Variants in SEMA3D observed in about 807,000 individuals in gnomAD.
SEMA3D encodes the protein semaphorin 3D.
A neutral mutation model predicts 100.1 loss-of-function variants in SEMA3D; 84 were observed. The observed-to-expected ratio is 0.84, with a 90% confidence interval of 0.70 to 1.01. The LOEUF (loss-of-function observed/expected upper bound fraction) is 1.01, where lower values mean the gene tolerates loss of function less well. SEMA3D is among the 50% of genes least tolerant of loss of function. The pLI, the probability that SEMA3D is intolerant of heterozygous loss-of-function variation, is 0.00. For synonymous variants in SEMA3D, 312 were observed against 320.7 expected (o/e 0.97, Z 0.29); for missense variants, 875 against 934.1 (o/e 0.94, Z 0.82).
At chr7:85,082,152 C>A (rs913156606) in intron 4 of SEMA3D, among the ~76,000 whole-genome samples, 3 of 152,152 alleles carry the variant, frequency 2.0e-5, no homozygotes, top group Admixed American at 2.0e-4. Flanking sequence ...ACTTATTCTT[C>A]CCATTTTGAG....
At chr7:85,165,235 T>A (rs1338416058) in intron 1 of SEMA3D, among the ~76,000 whole-genome samples, 2 of 150,360 alleles carry the variant, frequency 1.3e-5, no homozygotes, top group Non-Finnish European at 3.0e-5. Flanking sequence ...AAAACTTTTT[T>A]ATGTAAATTA....
chr7:85,083,139 T>C (rs2116241300), intron 4 of SEMA3D, among the ~76,000 whole-genome samples: 1 of 152,258 alleles, frequency 6.6e-6, no homozygotes. Context: ...TAAAAGCAAC[T>C]AAAATAAAAT....
the SEMA3D span, among the ~76,000 whole-genome samples, chr7:85,231,774 A>G: frequency 6.6e-6 from 1 of 152,122 alleles, no homozygotes; most frequent in Non-Finnish European, 1.5e-5. Context: ...CAGTAAGAAC[A>G]TGTGTTAAGA....
chr7:85,083,004 G>C (rs1788108424), intron 4 of SEMA3D, among the ~76,000 whole-genome samples: 1 of 152,174 alleles, frequency 6.6e-6, no homozygotes, highest in Non-Finnish European at 1.5e-5. Context: ...ATAGTAGCCA[G>C]CAGTCAAATA....
intron 12 of SEMA3D, among the ~76,000 whole-genome samples, chr7:85,036,377 T>C (rs1200658963): frequency 1.3e-5 from 2 of 152,276 alleles, no homozygotes; most frequent in African/African-American, 2.4e-5. Context: ...CTGAGGGTTT[T>C]CTAAAATTCC....
chr7:85,046,464 C>T (rs995668887), intron 9 of SEMA3D, among the ~76,000 whole-genome samples: 2 of 151,734 alleles, frequency 1.3e-5, no homozygotes, highest in Non-Finnish European at 2.9e-5. Flanking sequence ...TCTCTAGCCC[C>T]TCAGGAATAA....
intron 9 of SEMA3D, among the ~76,000 whole-genome samples, chr7:85,053,094 A>G (rs965714023): frequency 3.9e-5 from 6 of 152,054 alleles, no homozygotes; most frequent in African/African-American, 1.4e-4. Context: ...TAACTTATTC[A>G]GTGAAAAATG....
chr7:85,220,524 A>C, the SEMA3D span, among the ~76,000 whole-genome samples: 1 of 151,992 alleles, frequency 6.6e-6, no homozygotes, highest in Non-Finnish European at 1.5e-5. Flanking sequence ...TGATTAAAAA[A>C]AGTCTGAGAT....
chr7:85,194,314 A>G, the SEMA3D span, among the ~76,000 whole-genome samples: 1 of 152,170 alleles, frequency 6.6e-6, no homozygotes, highest in African/African-American at 2.4e-5. Context: ...ATTTCTCACC[A>G]TTAAGTATGA....
chr7:85,081,021 TTAAC>T (rs1411782141), intron 5 of SEMA3D, among the ~76,000 whole-genome samples: 1 of 152,214 alleles, frequency 6.6e-6, no homozygotes, highest in African/African-American at 2.4e-5. Flanking sequence ...TCATTCATTA[TTAAC>T]TAATTCTTAT....
intron 1 of SEMA3D, among the ~76,000 whole-genome samples, chr7:85,165,191 TGTACCCTA>T (rs1790868818): frequency 6.8e-6 from 1 of 147,952 alleles, no homozygotes. Context: ...GTTGTGCACA[TGTACCCTA>T]AAACTTAAAG....
In SEMA3D at chr7:84,998,202, T is replaced by A. The variant is rs1332438185; in HGVS notation, c.*1238A>T. ...CTCCCCAGAAATGTCATTTTCTTAATTCTCTGTGTGTTATATATTGTTTTC... is the reference window on the plus strand; with the variant it reads ...CTCCCCAGAAATGTCATTTTCTTAAATCTCTGTGTGTTATATATTGTTTTC... On this transcript the variant is annotated 3_prime_UTR_variant, in exon 19 of 19. Coordinates refer to ENST00000284136, the MANE Select transcript of SEMA3D (RefSeq NM_001384900.1). 1 of 152,140 alleles carries A rather than the reference T, an allele frequency of 6.6e-6. No homozygotes were observed. Among genetic ancestry groups the A allele is most frequent in the Non-Finnish European group, 1.5e-5 (1 of 67,988 alleles). 9.4% of individuals were successfully genotyped at this position (152,140 alleles called of 1,614,324 possible).
intron 17 of SEMA3D, among the ~76,000 whole-genome samples, chr7:85,007,873 G>C (rs1789843031): frequency 6.6e-6 from 1 of 151,756 alleles, no homozygotes; most frequent in Non-Finnish European, 1.5e-5. Flanking sequence ...ATACAAATGA[G>C]CAGCAAATGG....
At chr7:85,133,194 C>T (rs1789775121) in intron 2 of SEMA3D, among the ~76,000 whole-genome samples, 1 of 151,862 alleles carries the variant, frequency 6.6e-6, no homozygotes, top group South Asian at 2.1e-4. Context: ...ATCTAATTTC[C>T]CCTCCACCCT....
At chr7:85,138,654 T>A (rs1789938857) in intron 2 of SEMA3D, among the ~76,000 whole-genome samples, 1 of 85,748 alleles carries the variant, frequency 1.2e-5, no homozygotes. Flanking sequence ...ATATTTAATT[T>A]AATATATATA....
chr7:85,215,385 G>C, the SEMA3D span, among the ~76,000 whole-genome samples: 505 of 152,214 alleles, frequency 3.3e-3, 2 homozygotes, highest in African/African-American at 0.012. Flanking sequence ...TTGTCTCTTA[G>C]TATGACAGAG....
At chr7:85,122,083 G>A in intron 2 of SEMA3D, 152 bp from the exon 3 acceptor site, 1 of 488,250 alleles carries the variant, frequency 2.0e-6, no homozygotes, top group South Asian at 3.5e-5. Flanking sequence ...ACCAGGGCCT[G>A]TTGGGGGCTG....
chr7:85,147,356 G>C (rs1024795085), intron 2 of SEMA3D, among the ~76,000 whole-genome samples: 1 of 151,484 alleles, frequency 6.6e-6, no homozygotes, highest in Non-Finnish European at 1.5e-5. Context: ...CCCACCTGTT[G>C]GTCAGGCTGG....
chr7:85,221,363 T>C, the SEMA3D span, among the ~76,000 whole-genome samples: 2 of 152,212 alleles, frequency 1.3e-5, no homozygotes, highest in South Asian at 4.1e-4. Flanking sequence ...GACTTCAATA[T>C]ATCCTCACTT....
Sources: gnomAD v4.1 joint callset for allele counts (sites outside exome capture counted in the v4.1 genomes callset) on GRCh38, gnomAD v4.1.1 for gene constraint, MANE v1.5 for transcripts, NCBI Gene and HGNC (gene_info 2026-07-23, HGNC 2026-07-21) for gene names.